NTM: variants seen among roughly 807,000 people sequenced by gnomAD.
NTM encodes IgLON family member 2.
NTM carries 13 observed loss-of-function variants against 42.1 expected under a neutral mutation model. That is an observed-to-expected ratio of 0.31 (90% confidence interval 0.20 to 0.49). The LOEUF is 0.49. Among genes scored for constraint, NTM ranks in the 20% least tolerant of loss-of-function variants. The probability of loss-of-function intolerance (pLI) is 0.99; values close to 1 mark genes in which losing one functional copy is unlikely to be tolerated. For missense variants in NTM, 373 were observed against 452.8 expected, an observed-to-expected ratio of 0.82 and a Z score of 1.60; for synonymous variants, 187 against 179.2, an observed-to-expected ratio of 1.04 and a Z score of -0.35.
intron 1 of NTM, among the ~76,000 whole-genome samples, chr11:131,722,826 C>T (rs1468192654): frequency 6.6e-6 from 1 of 152,184 alleles, no homozygotes; most frequent in Non-Finnish European, 1.5e-5. Context: ...TATCTTTGAT[C>T]TCTAACTTTC....
chr11:132,276,621 A>G (rs991073065), intron 4 of NTM, among the ~76,000 whole-genome samples: 1 of 152,162 alleles, frequency 6.6e-6, no homozygotes, highest in African/African-American at 2.4e-5. Context: ...GGAGGTAGCT[A>G]TGTGACCACT....
At chr11:131,551,213 G>T (rs1270002110) in intron 1 of NTM, among the ~76,000 whole-genome samples, 2 of 152,164 alleles carry the variant, frequency 1.3e-5, no homozygotes, top group Non-Finnish European at 2.9e-5. Context: ...CCATTTCATG[G>T]AGAGGAGAAA....
At chr11:131,943,845 A>G (rs1313575416) in intron 2 of NTM, among the ~76,000 whole-genome samples, 1 of 152,144 alleles carries the variant, frequency 6.6e-6, no homozygotes, top group Non-Finnish European at 1.5e-5. Flanking sequence ...CATCCCCCAC[A>G]CATCCATGGT....
At chr11:131,728,581 C>G (rs996449290) in intron 1 of NTM, among the ~76,000 whole-genome samples, 1 of 152,120 alleles carries the variant, frequency 6.6e-6, no homozygotes, top group Admixed American at 6.5e-5. Context: ...TGATTAAAAC[C>G]CATTTATGCC....
chr11:131,996,175 A>G (rs979618257), intron 2 of NTM, among the ~76,000 whole-genome samples: 1 of 152,138 alleles, frequency 6.6e-6, no homozygotes, highest in South Asian at 2.1e-4. Flanking sequence ...AAGAGTTTTC[A>G]GTAGGGACAT....
intron 1 of NTM, among the ~76,000 whole-genome samples, chr11:131,590,755 G>A (rs186888906): frequency 5.9e-4 from 90 of 152,288 alleles, no homozygotes; most frequent in Non-Finnish European, 1.1e-3. Flanking sequence ...TGAGGTAACG[G>A]GCTTCCTAAG....
At chr11:131,793,465 A>T (rs1183396343) in intron 1 of NTM, among the ~76,000 whole-genome samples, 1 of 152,222 alleles carries the variant, frequency 6.6e-6, no homozygotes, top group Non-Finnish European at 1.5e-5. Flanking sequence ...CTTTAACTTG[A>T]AGCAACTCTA....
chr11:131,992,304 C>T (rs574804837), intron 2 of NTM, among the ~76,000 whole-genome samples: 2 of 152,266 alleles, frequency 1.3e-5, no homozygotes, highest in East Asian at 1.9e-4. Context: ...TAATGCAATA[C>T]ATATAACATG....
At chr11:131,721,996 C>CAAAAAAA (rs71475771) in intron 1 of NTM, among the ~76,000 whole-genome samples, 1 of 10,286 alleles carries the variant, frequency 9.7e-5, no homozygotes, top group African/African-American at 2.9e-4. Flanking sequence ...AACTCTGTCT[C>CAAAAAAA]AAAAAAAAAA....
At chr11:131,845,279 C>T (rs1407651193) in intron 1 of NTM, among the ~76,000 whole-genome samples, 1 of 152,086 alleles carries the variant, frequency 6.6e-6, no homozygotes, top group Non-Finnish European at 1.5e-5. Flanking sequence ...TAATTACATC[C>T]AGAACCTGGC....
chr11:131,806,425 G>C (rs1299996188), intron 1 of NTM, among the ~76,000 whole-genome samples: 2 of 152,134 alleles, frequency 1.3e-5, no homozygotes, highest in African/African-American at 4.8e-5. Flanking sequence ...CTCAATTCCA[G>C]AGTTTGTCTT....
intron 1 of NTM, among the ~76,000 whole-genome samples, chr11:131,554,362 G>T (rs528681497): frequency 1.3e-5 from 2 of 152,192 alleles, no homozygotes; most frequent in South Asian, 2.1e-4. Flanking sequence ...AAGAAAGCAA[G>T]CTCCTCCAAT....
At chr11:131,661,064 A>G in intron 1 of NTM, 2 of 1,300,474 alleles carry the variant, frequency 1.5e-6, no homozygotes, top group Non-Finnish European at 2.0e-6. Flanking sequence ...TGCATACTCA[A>G]TTCTTCATCT....
At chr11:132,220,000 T>C (rs988131141) in intron 4 of NTM, among the ~76,000 whole-genome samples, 1 of 152,210 alleles carries the variant, frequency 6.6e-6, no homozygotes, top group African/African-American at 2.4e-5. Flanking sequence ...CATAGGTGCT[T>C]GATTAAAATT....
intron 4 of NTM, among the ~76,000 whole-genome samples, chr11:132,280,544 G>T (rs2093936147): frequency 7.2e-6 from 1 of 139,762 alleles, no homozygotes; most frequent in Non-Finnish European, 1.5e-5. Flanking sequence ...GGAGTGCAGT[G>T]GCATGTTCTT....
At chr11:131,642,539 T>G (rs1477140509) in intron 1 of NTM, among the ~76,000 whole-genome samples, 1 of 152,232 alleles carries the variant, frequency 6.6e-6, no homozygotes, top group Non-Finnish European at 1.5e-5. Flanking sequence ...TGGGGCTGAT[T>G]AGTTGTTGCC....
At chr11:131,765,367 G>A (rs538741100) in intron 1 of NTM, among the ~76,000 whole-genome samples, 10 of 152,094 alleles carry the variant, frequency 6.6e-5, no homozygotes, top group African/African-American at 1.2e-4. Context: ...AGACCAGGGC[G>A]CCACACCTTC....
rs146453114 is a variant in NTM at position 131,797,055 on chromosome 11, T to C, written c.83-114509T>C. 5.0e-3 allele frequency among the ~76,000 whole-genome samples: 768 copies of C among 152,372 alleles called. 2 individuals are homozygous for C. Among genetic ancestry groups the C allele is most frequent in the Non-Finnish European group, 9.2e-3 (625 of 68,024 alleles). Reference sequence around the variant, plus strand: ...AATATTAATACTTAGAAGGCTCTAATAATGTAATTCTAATTTAATGCTTTT... The same window carrying C: ...AATATTAATACTTAGAAGGCTCTAACAATGTAATTCTAATTTAATGCTTTT... On this transcript the variant is annotated intron_variant, in intron 1 of 8. Transcript: ENST00000683400.
At chr11:131,973,615 G>A (rs553689864) in intron 2 of NTM, among the ~76,000 whole-genome samples, 12 of 152,284 alleles carry the variant, frequency 7.9e-5, no homozygotes, top group African/African-American at 2.6e-4. Flanking sequence ...TCAGGAGTTC[G>A]AGACCAGCTT....
Sources: gnomAD v4.1 joint callset for allele counts (sites outside exome capture counted in the v4.1 genomes callset) on GRCh38, gnomAD v4.1.1 for gene constraint, MANE v1.5 for transcripts, NCBI Gene and HGNC (gene_info 2026-07-23, HGNC 2026-07-21) for gene names.